The following PNPT1 variants were observed in gnomAD, a reference collection of about 807,000 sequenced individuals.
PNPT1 encodes the protein polyribonucleotide nucleotidyltransferase 1, also known as polyribonucleotide nucleotidyltransferase 1, mitochondrial.
PNPT1 carries 53 observed loss-of-function variants against 119.5 expected under a neutral mutation model. The observed-to-expected ratio is 0.44, with a 90% CI of 0.36 to 0.56. PNPT1 has a LOEUF of 0.56. PNPT1 is among the 20% of genes least tolerant of loss of function. The pLI, the probability that PNPT1 is intolerant of heterozygous loss-of-function variation, is 0.00. For missense variants in PNPT1, 948 were observed against 938.5 expected, an observed-to-expected ratio of 1.01 and a Z score of -0.13; for synonymous variants, 357 against 322.1, an observed-to-expected ratio of 1.11 and a Z score of -1.16.
chr2:55,664,755 A>C (rs1696683711), intron 13 of PNPT1, among the ~76,000 whole-genome samples: 1 of 152,158 alleles, frequency 6.6e-6, no homozygotes, highest in African/African-American at 2.4e-5. Flanking sequence ...ATGGATAACA[A>C]AAGTATGCAG....
intron 26 of PNPT1, among the ~76,000 whole-genome samples, 168 bp from the exon 27 acceptor site, chr2:55,637,767 C>T (rs759053934): frequency 7.9e-5 from 12 of 152,010 alleles, no homozygotes; most frequent in African/African-American, 1.2e-4. Flanking sequence ...GAGGCAGAAG[C>T]GGGCAGATCA....
At chr2:55,664,161 T>G (rs1696663795) in intron 13 of PNPT1, among the ~76,000 whole-genome samples, 1 of 152,204 alleles carries the variant, frequency 6.6e-6, no homozygotes, top group African/African-American at 2.4e-5. Context: ...AAATACATGA[T>G]TGTATGAAAG....
At chr2:55,688,616 C>G (rs1425394583) in intron 1 of PNPT1, among the ~76,000 whole-genome samples, 1 of 151,802 alleles carries the variant, frequency 6.6e-6, no homozygotes, top group Non-Finnish European at 1.5e-5. Context: ...TCCCAGCTAC[C>G]AAGGAGGCCG....
chr2:55,677,627 A>G (rs17800851), intron 8 of PNPT1, among the ~76,000 whole-genome samples: 11,381 of 144,180 alleles, frequency 0.079, 594 homozygotes, highest in South Asian at 0.13. Flanking sequence ...AAAAAAGATT[A>G]TTAGTTCATT....
chr2:55,663,931 G>C (rs1021317632), intron 13 of PNPT1, among the ~76,000 whole-genome samples: 2 of 151,874 alleles, frequency 1.3e-5, no homozygotes, highest in Admixed American at 1.3e-4. Flanking sequence ...GGAGCTTGCC[G>C]TGAGCCGAGA....
At chr2:55,651,124 C>T (rs1186903950) in intron 18 of PNPT1, among the ~76,000 whole-genome samples, 25 of 148,212 alleles carry the variant, frequency 1.7e-4, no homozygotes, top group Admixed American at 6.7e-5. Flanking sequence ...AGGTGAGGGG[C>T]GCCTCTGCCC....
Position 55,654,924 on chromosome 2 carries a change from C to G in PNPT1, c.1471G>C (p.Gly491Arg), listed in dbSNP as rs772291464. 1 of 1,612,746 alleles carries G rather than the reference C, an allele frequency of 6.2e-7. No individual in the cohort carries two copies. The highest frequency in any genetic ancestry group is 1.7e-5 in the Admixed American group (1 of 59,918). ...CCTGAATCCATTAATGCTAAACTTC[C>G]GCCACATGCAGATGCCATAGAAGAT... Reference protein sequence around the residue: ...GSSSMASACGGSLALMDSGVP... With the variant: ...GSSSMASACGRSLALMDSGVP... The change falls in exon 18 of 28, where the codon GGA (glycine) becomes CGA (arginine). Residue 491 changes from glycine to arginine, a missense_variant. Coordinates refer to ENST00000447944, the MANE Select transcript of PNPT1 (RefSeq NM_033109.5).
At chr2:55,647,129 A>T (rs1379107475) in intron 19 of PNPT1, among the ~76,000 whole-genome samples, 1 of 152,116 alleles carries the variant, frequency 6.6e-6, no homozygotes, top group African/African-American at 2.4e-5. Flanking sequence ...TATTAATATA[A>T]TATCTATTTT....
intron 3 of PNPT1, among the ~76,000 whole-genome samples, chr2:55,685,532 TA>T (rs879469960): frequency 1.2e-3 from 180 of 144,648 alleles, no homozygotes; most frequent in Admixed American, 1.3e-3. Context: ...CCCTGTCTCT[TA>T]AAAAAAAAAA....
At chr2:55,690,345 A>G (rs1313267784) in intron 1 of PNPT1, among the ~76,000 whole-genome samples, 1 of 18,298 alleles carries the variant, frequency 5.5e-5, no homozygotes, top group Non-Finnish European at 1.3e-4. Flanking sequence ...ACCCCTGAAG[A>G]TACAGAGAAA....
At chr2:55,639,470 C>G (rs7558127) in intron 26 of PNPT1, among the ~76,000 whole-genome samples, 21,079 of 152,146 alleles carry the variant, frequency 0.14, 2,947 homozygotes, top group African/African-American at 0.36. Flanking sequence ...CTCTTATACA[C>G]ACTGAGAATT....
chr2:55,637,895 G>T (rs1270093061), intron 26 of PNPT1, among the ~76,000 whole-genome samples: 2 of 151,748 alleles, frequency 1.3e-5, no homozygotes, highest in East Asian at 3.9e-4. Context: ...AGCTACTCAG[G>T]AGGCTGAGGC....
At chr2:55,636,936 C>G (rs983125827) in intron 27 of PNPT1, among the ~76,000 whole-genome samples, 3 of 152,186 alleles carry the variant, frequency 2.0e-5, no homozygotes, top group Non-Finnish European at 2.9e-5. Context: ...GATACTATAT[C>G]TTAGCACTCA....
chr2:55,646,573 T>G, intron 19 of PNPT1, 87 bp from the exon 20 acceptor site: 1 of 1,063,870 alleles, frequency 9.4e-7, no homozygotes, highest in South Asian at 1.5e-5. Flanking sequence ...AAAAACAGCT[T>G]TAGAAGTAAA....
At position 55,640,703 on chromosome 2, in the gene PNPT1, T is replaced by C; in HGVS notation, c.2072A>G (p.Asp691Gly). Residue 691 changes from aspartate (D) to glycine (G), a missense_variant and splice_region_variant, in exon 26 of 28, where the codon GAT (aspartate) becomes GGT (glycine). Physicochemically the swap from Asp to Gly is moderately conservative, Grantham distance 94. Transcript: ENST00000447944. ...ATATAATTTTACCATTACACCAGTA[T>C]CTCTACAAAAAAATAAATAGTAAGC... ...VYTATITEIR[D>G]TGVMVKLYPN... 1.3e-6 allele frequency: 2 copies of C among 1,555,348 alleles called. No homozygotes were observed. The highest frequency in any genetic ancestry group is 1.8e-6 in the Non-Finnish European group (2 of 1,129,354).
chr2:55,681,029 T>C (rs1243646038), intron 5 of PNPT1, 111 bp from the exon 6 acceptor site: 4 of 823,032 alleles, frequency 4.9e-6, no homozygotes, highest in Non-Finnish European at 7.9e-6. Flanking sequence ...TAGCCAAACC[T>C]CTTAATTTTG....
At chr2:55,651,903 AAC>A (rs1491232902) in intron 18 of PNPT1, among the ~76,000 whole-genome samples, 5 of 149,730 alleles carry the variant, frequency 3.3e-5, no homozygotes, top group African/African-American at 4.9e-5. Flanking sequence ...AAAAAAAAAA[AAC>A]AATAACCTTC....
rs761975436 is a variant in PNPT1 at position 55,636,274 on chromosome 2, C to T, written c.2315G>A (p.Gly772Glu). 3 of 1,613,288 alleles carry T rather than the reference C, an allele frequency of 1.9e-6. No homozygotes were observed. Residue 772 changes from glycine (G) to glutamate (E), a missense_variant, in exon 28 of 28, where the codon GGA (glycine) becomes GAA (glutamate). By Grantham distance (98) the Gly-to-Glu change is moderately conservative. Coordinates refer to ENST00000447944, the MANE Select transcript of PNPT1 (RefSeq NM_033109.5). ...TLNDRSSIVM[G>E]EPISQSSSNS... ...AGATGATGACTGTGAAATAGGTTCT[C>T]CCATTACAATACTACTTCTGTCATT...
intron 15 of PNPT1, 126 bp downstream of exon 15, chr2:55,660,031 G>A: frequency 1.1e-6 from 1 of 872,222 alleles, no homozygotes; most frequent in Non-Finnish European, 1.6e-6. Flanking sequence ...TTGAGCCTGG[G>A]AGGGAGAGGT....
Sources: allele counts gnomAD v4.1 joint callset (sites outside exome capture counted in the v4.1 genomes callset), GRCh38; gene constraint gnomAD v4.1.1; transcripts MANE v1.5; gene names NCBI Gene and HGNC (gene_info 2026-07-23, HGNC 2026-07-21).